FAM136A: variants seen among roughly 807,000 people sequenced by gnomAD.
The protein encoded by FAM136A is TIM double twin CX3C motif chaperone.
FAM136A carries 25 observed loss-of-function variants against 21.6 expected under a neutral mutation model. That is an observed-to-expected ratio of 1.16 (90% CI 0.84 to 1.62). FAM136A has a LOEUF of 1.62. FAM136A is among the 40% of genes most tolerant of loss of function. The pLI is 0.00. For missense variants in FAM136A, 338 were observed against 332.0 expected (o/e 1.02, Z -0.14); for synonymous variants, 119 against 129.4 (o/e 0.92, Z 0.55).
Position 70,302,017 on chromosome 2 carries a change from C to A in FAM136A, c.-6G>T. On this transcript the variant is annotated 5_prime_UTR_variant, in exon 1 of 3. Transcript: ENST00000430566. ...AGCTGCTGCAGCTCAGCCATGGCGA[C>A]CCCGCGCTGCCCCGCGGCGCTCCGC... is the stretch of plus-strand genomic sequence containing the variant. 4 of 1,578,814 alleles carry A rather than the reference C, an allele frequency of 2.5e-6. No individual in the cohort carries two copies. The highest frequency in any genetic ancestry group is 3.4e-6 in the Non-Finnish European group (4 of 1,164,928).
In FAM136A at chr2:70,301,293, C is replaced by T. The variant is rs560102393; in HGVS notation, c.408+311G>A. 5.3e-6 allele frequency: 7 copies of T among 1,323,108 alleles called. No homozygotes were observed. The African/African-American group carries it at 8.9e-5, about 17-fold the overall frequency. The allele number at this position is 1,323,108 out of a possible 1,614,324, so 82.0% of individuals were successfully genotyped here. On this transcript the variant is annotated intron_variant, in intron 1 of 2. Transcript: ENST00000430566. ...GTCTGACGAAGCCAAATTCTGAAAA[C>T]CAGGAGCCTCTTCCATGGGGTTCAG...
chr2:70,297,399 C>G lies in FAM136A; in HGVS notation c.628G>C (p.Val210Leu). The G allele has an allele frequency of 4.3e-6, 7 of 1,614,002 alleles. No individual in the cohort carries two copies. Among genetic ancestry groups the G allele is most frequent in the Non-Finnish European group, 5.9e-6 (7 of 1,179,896 alleles). The change falls in exon 3 of 3, where the codon GTG becomes CTG. Residue 210 changes from valine to leucine, a missense_variant. Physicochemically the swap from Val to Leu is conservative, Grantham distance 32. Coordinates refer to ENST00000430566, the MANE Select transcript of FAM136A (RefSeq NM_001329752.2). The part of the protein sequence containing the change: ...SIDAGSKELQ[V>L]KQQLDSCVTK... ...ACACAACTGTCCAGCTGCTGCTTCA[C>G]CTGAAGCTCCTTACTCCCAGCATCT...
chr2:70,301,821 T>C lies in FAM136A; in HGVS notation c.191A>G (p.Gln64Arg), dbSNP rs1697414819. The C allele has an allele frequency of 1.3e-6, 2 of 1,548,906 alleles. No homozygotes were observed. Among genetic ancestry groups the C allele is most frequent in the Non-Finnish European group, 1.7e-6 (2 of 1,145,886 alleles). ...ACCCCAGGGCCGCCCACACCCGGTC[T>C]GCGGGGACGCGGCTGCAGTGCAAGG... ...ATPCTAAASP[Q>R]TGCGRPWGRR... The change falls in exon 1 of 3, where the codon CAG becomes CGG. Residue 64 changes from glutamine to arginine, a missense_variant. Coordinates refer to ENST00000430566, the MANE Select transcript of FAM136A (RefSeq NM_001329752.2).
intron 2 of FAM136A, chr2:70,300,631 A>G: frequency 2.0e-6 from 1 of 510,652 alleles, no homozygotes; most frequent in Non-Finnish European, 3.5e-6. Flanking sequence ...GGCCTACATC[A>G]TTTCTATAGG....
At position 70,301,604 on chromosome 2, in the gene FAM136A, C is replaced by T; in HGVS notation, c.408G>A (p.Gln136=). 1.3e-6 allele frequency: 2 copies of T among 1,536,010 alleles called. No homozygotes were observed. The highest frequency in any genetic ancestry group is 1.7e-6 in the Non-Finnish European group (2 of 1,146,802). The change falls in exon 1 of 3, where the codon CAG becomes CAA. Residue 136 remains glutamine, a splice_region_variant and synonymous_variant. Transcript: ENST00000430566. ...PPSPLTRPLP[Q]GLMFRCSASC... is the part of the protein sequence containing the mutation. ...CTCTGCTGGGCCTCGGGCCGCTCAC[C>T]TGCGGAAGGGGCCGCGTAAGAGGGG...
In FAM136A at chr2:70,301,898, G is replaced by A. The variant is rs1420768393; in HGVS notation, c.114C>T (p.Asp38=). ...CCGGAACCCACCCGCTGAGAAGGGG[G>A]TCCTGGTTCGGCCCCAGCCCCGCTA... ...MQVAGLGPNQ[D]PLLSGWVPGP... Residue 38 remains aspartate (D), a synonymous_variant, in exon 1 of 3, where the codon GAC becomes GAT. Coordinates refer to ENST00000430566, the MANE Select transcript of FAM136A (RefSeq NM_001329752.2). 2 of 1,593,912 alleles carry A rather than the reference G, an allele frequency of 1.3e-6. No homozygotes were observed. The highest frequency in any genetic ancestry group is 1.7e-6 in the Non-Finnish European group (2 of 1,171,146).
At chr2:70,300,668 A>G in intron 2 of FAM136A, 172 bp downstream of exon 2, 1 of 695,258 alleles carries the variant, frequency 1.4e-6, no homozygotes, top group Non-Finnish European at 2.4e-6. Flanking sequence ...AAGGCACTCG[A>G]CCGCCAAGAC....
chr2:70,297,252 T>G lies in FAM136A; in HGVS notation c.*37A>C. ...TCCCAATTCCTTATAAAAAATATATTCTTGCCCTCAGCCCTGATGGCCACT... is the reference window on the plus strand; with the variant it reads ...TCCCAATTCCTTATAAAAAATATATGCTTGCCCTCAGCCCTGATGGCCACT... On this transcript the variant is annotated 3_prime_UTR_variant, in exon 3 of 3. Transcript: ENST00000430566. 6.3e-7 allele frequency: 1 copy of G among 1,581,876 alleles called. No homozygotes were observed. Among genetic ancestry groups the G allele is most frequent in the Non-Finnish European group, 8.6e-7 (1 of 1,161,702 alleles).
rs760686518 is a variant in FAM136A, at chr2:70,297,265, C to A, written c.*24G>T. Reference sequence around the variant, plus strand: ...TAAAAAATATATTCTTGCCCTCAGCCCTGATGGCCACTGGCAAATACTTTT... The same window carrying A: ...TAAAAAATATATTCTTGCCCTCAGCACTGATGGCCACTGGCAAATACTTTT... On this transcript the variant is annotated 3_prime_UTR_variant, in exon 3 of 3. Coordinates refer to ENST00000430566, the MANE Select transcript of FAM136A (RefSeq NM_001329752.2). 6.2e-7 allele frequency: 1 copy of A among 1,606,432 alleles called. No individual in the cohort carries two copies. The highest frequency in any genetic ancestry group is 8.5e-7 in the Non-Finnish European group (1 of 1,174,066).
At chr2:70,301,397 G>A in intron 1 of FAM136A, 2 of 1,525,814 alleles carry the variant, frequency 1.3e-6, no homozygotes, top group African/African-American at 1.4e-5. Context: ...CACTATCTGG[G>A]AAACGCATAC....
At chr2:70,299,461 G>A (rs1381045050) in intron 2 of FAM136A, among the ~76,000 whole-genome samples, 2 of 152,210 alleles carry the variant, frequency 1.3e-5, no homozygotes, top group Admixed American at 6.5e-5. Flanking sequence ...ACTAGGGGCA[G>A]TCCTGGGTGG....
In FAM136A at chr2:70,297,293, T is replaced by A. The variant is rs1574005068; in HGVS notation, c.734A>T (p.Lys245Ile). The A allele has an allele frequency of 1.2e-6, 2 of 1,612,724 alleles. No homozygotes were observed. Among genetic ancestry groups the A allele is most frequent in the East Asian group, 4.5e-5 (2 of 44,866 alleles). Residue 245 changes from lysine (K) to isoleucine (I), a missense_variant, in exon 3 of 3, where the codon AAA (lysine) becomes ATA (isoleucine). Coordinates refer to ENST00000430566, the MANE Select transcript of FAM136A (RefSeq NM_001329752.2). ...GATGGCCACTGGCAAATACTTTTAT[T>A]TTCCAATTGATAAGAGAGCCTCCTT... ...KMKEALLSIG[K>I]
chr2:70,297,519 G>A lies in FAM136A; in HGVS notation c.550-42C>T, dbSNP rs376581714. ...GAACGTAGAAAAAGCTGAGAGTAAG[G>A]CCTCCATTTACTGCGTGCTCATTAT... is the stretch of plus-strand genomic sequence containing the variant. On this transcript the variant is annotated intron_variant, in intron 2 of 2. Transcript: ENST00000430566. 1.4e-5 allele frequency: 22 copies of A among 1,601,058 alleles called. No homozygotes were observed. In the African/African-American group the frequency reaches 2.9e-4, roughly 21 times the overall value.
chr2:70,302,067 TA>T (rs1274100099), upstream of FAM136A: 4 of 1,502,126 alleles, frequency 2.7e-6, no homozygotes, highest in African/African-American at 5.8e-5. Context: ...GGAATCGGCG[TA>T]CGGGCCCGCC....
Position 70,301,741 on chromosome 2 carries a change from G to A in FAM136A, c.271C>T (p.Arg91Cys), listed in dbSNP as rs112790117. The change falls in exon 1 of 3, where the codon CGT (arginine) becomes TGT (cysteine). Residue 91 changes from arginine (R) to cysteine (C), a missense_variant. Transcript: ENST00000430566. ...AGCCTCGCGCACGGCAAGGGCACAC[G>A]GATTTCATCCGATCCGCCAAAGCTT... ...FGSFGGSDEI[R>C]VPLPCARLFS... The A allele has an allele frequency of 2.7e-3, 4,098 of 1,539,414 alleles. 109 individuals carry two copies. The African/African-American group carries it at 0.049, about 18-fold the overall frequency.
intron 2 of FAM136A, among the ~76,000 whole-genome samples, chr2:70,300,287 T>G (rs1233270318): frequency 6.6e-6 from 1 of 152,182 alleles, no homozygotes; most frequent in Non-Finnish European, 1.5e-5. Flanking sequence ...ACAAACTGCA[T>G]AAGGGCTCTT....
rs748836709 is a variant in FAM136A at position 70,300,992 on chromosome 2, G to C, written c.409-12C>G. 22 of 1,605,582 alleles carry C rather than the reference G, an allele frequency of 1.4e-5. No homozygotes were observed. Among genetic ancestry groups the C allele is most frequent in the Non-Finnish European group, 1.9e-5 (22 of 1,173,232 alleles). On this transcript the variant is annotated splice_polypyrimidine_tract_variant and intron_variant, in intron 1 of 2. Coordinates refer to ENST00000430566, the MANE Select transcript of FAM136A (RefSeq NM_001329752.2). ...CGGAACATGAGACCCTGGGGAGAAA[G>C]GGCAGAGAGGTTAGGTAGGAAAGTC...
chr2:70,299,875 C>G (rs113701019), intron 2 of FAM136A, among the ~76,000 whole-genome samples: 70 of 152,010 alleles, frequency 4.6e-4, no homozygotes, highest in East Asian at 3.9e-3. Context: ...GCTGGGATTA[C>G]AGGTGTGAGC....
intron 1 of FAM136A, chr2:70,301,365 C>T: frequency 1.3e-6 from 2 of 1,496,006 alleles, no homozygotes; most frequent in South Asian, 2.5e-5. Context: ...GCAGCCGACC[C>T]ACTAATCAAT....
Sources: allele counts gnomAD v4.1 joint callset (sites outside exome capture counted in the v4.1 genomes callset), GRCh38; gene constraint gnomAD v4.1.1; transcripts MANE v1.5; gene names NCBI Gene and HGNC (gene_info 2026-07-23, HGNC 2026-07-21).